Variants in NFX1 observed in about 807,000 individuals in gnomAD.
NFX1 encodes the protein transcriptional repressor NF-X1.
In NFX1, 69 loss-of-function variants were observed where a neutral mutation model predicts 137.2. The ratio of observed to expected loss-of-function variants is 0.50; its 90% CI spans 0.41 to 0.61. NFX1 has a LOEUF of 0.61. NFX1 is among the 20% of genes least tolerant of loss of function. The pLI is 0.00. For synonymous variants in NFX1, 495 were observed against 474.1 expected, an observed-to-expected ratio of 1.04 and a Z score of -0.57; for missense variants, 1,167 against 1,391.0, an observed-to-expected ratio of 0.84 and a Z score of 2.56.
chr9:33,363,263 GTATTATTATTATTATTAT>G (rs60988084), intron 19 of NFX1, among the ~76,000 whole-genome samples: 1 of 144,826 alleles, frequency 6.9e-6, no homozygotes, highest in African/African-American at 2.5e-5. Context: ...ATAAAGAAAT[GTATTATTATTATTATTAT>G]TATTATTATT....
rs145299899 is a variant in NFX1 at position 33,306,691 on chromosome 9, T to A, written c.1271-503T>A. On this transcript the variant is annotated intron_variant, in intron 4 of 23. Coordinates refer to ENST00000379540, the MANE Select transcript of NFX1 (RefSeq NM_002504.6). ...GTGCCATGAAGATTTGCAGTGACAT[T>A]GATTATAAAAGTATAAGGTCTTTTA... Among the ~76,000 whole-genome samples the A allele has an allele frequency of 1.6e-3, 248 of 152,282 alleles. 1 individual carries two copies. The highest frequency in any genetic ancestry group is 3.0e-3 in the Non-Finnish European group (205 of 68,016).
intron 23 of NFX1, 50 bp downstream of exon 23, chr9:33,367,669 T>A (rs1824210230): frequency 1.9e-6 from 3 of 1,572,188 alleles, no homozygotes; most frequent in Non-Finnish European, 2.6e-6. Flanking sequence ...CCAGAAAAGC[T>A]AGCAGGGGCT....
intron 7 of NFX1, among the ~76,000 whole-genome samples, chr9:33,316,333 G>A (rs1439563812): frequency 2.7e-5 from 4 of 146,204 alleles, no homozygotes; most frequent in East Asian, 4.0e-4. Flanking sequence ...TTTGGATCTC[G>A]TTCTGTCATC....
Position 33,344,106 on chromosome 9 carries a change from G to A in NFX1, c.2262G>A (p.Val754=). ...TAACCTGCCATTGTGGTGCATCAGT[G>A]ATTTACCCTCCAGTTCCCTGTGGTA... The part of the protein sequence containing the change: ...DELTCHCGAS[V]IYPPVPCGTR... Residue 754 remains valine (V), a synonymous_variant, in exon 14 of 24, where the codon GTG becomes GTA. Coordinates refer to ENST00000379540, the MANE Select transcript of NFX1 (RefSeq NM_002504.6). 6.2e-7 allele frequency: 1 copy of A among 1,614,082 alleles called. No individual in the cohort carries two copies. Among genetic ancestry groups the A allele is most frequent in the Non-Finnish European group, 8.5e-7 (1 of 1,179,974 alleles).
intron 4 of NFX1, among the ~76,000 whole-genome samples, chr9:33,304,839 T>G (rs1015181910): frequency 1.3e-5 from 2 of 152,172 alleles, no homozygotes; most frequent in African/African-American, 4.8e-5. Context: ...TTTGGGCAAA[T>G]AGGACAATAC....
intron 10 of NFX1, among the ~76,000 whole-genome samples, chr9:33,329,842 A>G (rs992819632): frequency 5.3e-5 from 8 of 152,076 alleles, no homozygotes; most frequent in African/African-American, 1.7e-4. Flanking sequence ...TATTTTTAGT[A>G]GAGACGGGAT....
chr9:33,317,968 T>C (rs1295163460), intron 7 of NFX1, among the ~76,000 whole-genome samples: 1 of 88,272 alleles, frequency 1.1e-5, no homozygotes, highest in African/African-American at 5.1e-5. Flanking sequence ...AGTGAGACTC[T>C]GTCTCAAAAA....
rs981742038 is a variant in NFX1, at chr9:33,294,635, A to G, written c.241A>G (p.Lys81Glu). Residue 81 changes from lysine (K) to glutamate (E), a missense_variant, in exon 2 of 24, where the codon AAG becomes GAG. Coordinates refer to ENST00000379540, the MANE Select transcript of NFX1 (RefSeq NM_002504.6). Reference protein sequence around the residue: ...HSYHPSGSKPKSQQTSFQSSP... With the variant: ...HSYHPSGSKPESQQTSFQSSP... ...TTATCATCCGTCAGGAAGCAAACCT[A>G]AGAGTCAGCAGACGTCTTTCCAGTC... The G allele has an allele frequency of 2.5e-6, 4 of 1,614,090 alleles. No individual in the cohort carries two copies. Among genetic ancestry groups the G allele is most frequent in the African/African-American group, 1.3e-5 (1 of 74,932 alleles).
intron 19 of NFX1, among the ~76,000 whole-genome samples, chr9:33,356,183 A>G (rs1160271678): frequency 6.6e-6 from 1 of 152,238 alleles, no homozygotes; most frequent in Non-Finnish European, 1.5e-5. Context: ...GTAGATGTGT[A>G]TAACAAGATG....
intron 2 of NFX1, among the ~76,000 whole-genome samples, chr9:33,295,911 G>C (rs1821338912): frequency 6.6e-6 from 1 of 152,140 alleles, no homozygotes; most frequent in South Asian, 2.1e-4. Flanking sequence ...GCATCAGAGA[G>C]CAATCTTTAT....
rs1824199427 is a variant in NFX1 at position 33,367,400 on chromosome 9, CAG to C, written c.3186-110_3186-109del. 3 of 964,764 alleles carry C rather than the reference CAG, an allele frequency of 3.1e-6. No individual in the cohort carries two copies. The Admixed American group carries it at 5.7e-5, about 18-fold the overall frequency. 59.8% of individuals were successfully genotyped at this position (964,764 alleles called of 1,614,324 possible). A position where few individuals can be genotyped will look rare whatever the true frequency, so the allele number is the denominator to read the frequency against. On this transcript the variant is annotated intron_variant, in intron 22 of 23. Transcript: ENST00000379540. ...ATGTCTGAGAGCAGACAGTTCATAC[CAG>C]AGAGTGCTCAGTAGTGTCATAGTGC... is the stretch of plus-strand genomic sequence containing the variant.
At chr9:33,325,957 T>C (rs1822570036) in intron 9 of NFX1, among the ~76,000 whole-genome samples, 1 of 152,220 alleles carries the variant, frequency 6.6e-6, no homozygotes, top group African/African-American at 2.4e-5. Context: ...AAATAATATG[T>C]ATAAAATTAT....
intron 18 of NFX1, 87 bp from the exon 19 acceptor site, chr9:33,354,764 C>T: frequency 7.8e-7 from 1 of 1,281,860 alleles, no homozygotes; most frequent in Non-Finnish European, 1.1e-6. Context: ...GCTGTGCTTC[C>T]AGGTTGACTG....
At chr9:33,363,317 C>T (rs188623131) in intron 19 of NFX1, among the ~76,000 whole-genome samples, 70 of 149,852 alleles carry the variant, frequency 4.7e-4, no homozygotes, top group African/African-American at 1.5e-3. Context: ...CAGAGTCTCA[C>T]TGTGTTGCCC....
chr9:33,317,805 ATC>A (rs1463675477), intron 7 of NFX1, among the ~76,000 whole-genome samples: 1 of 151,768 alleles, frequency 6.6e-6, no homozygotes, highest in Non-Finnish European at 1.5e-5. Flanking sequence ...GTGAAACTCC[ATC>A]TCTCCTAAAA....
intron 7 of NFX1, among the ~76,000 whole-genome samples, chr9:33,314,764 G>C (rs1822094000): frequency 2.6e-5 from 4 of 152,162 alleles, no homozygotes; most frequent in Admixed American, 2.6e-4. Flanking sequence ...TGGTTGCCTA[G>C]TGGTGGAAAT....
intron 11 of NFX1, among the ~76,000 whole-genome samples, chr9:33,337,046 G>A (rs533097210): frequency 1.2e-4 from 19 of 152,188 alleles, no homozygotes; most frequent in African/African-American, 4.6e-4. Context: ...AGGTTGCAGT[G>A]AGCAAATTTT....
At chr9:33,348,930 A>T (rs1388918374) in intron 15 of NFX1, among the ~76,000 whole-genome samples, 4 of 152,000 alleles carry the variant, frequency 2.6e-5, no homozygotes, top group Non-Finnish European at 5.9e-5. Context: ...ATCATGACGT[A>T]TTGGCCAACA....
rs1473939306 is a variant in NFX1 at position 33,332,492 on chromosome 9, C to T, written c.2025C>T (p.Leu675=). The T allele has an allele frequency of 6.3e-7, 1 of 1,584,814 alleles. No individual in the cohort carries two copies. The highest frequency in any genetic ancestry group is 1.3e-5 in the African/African-American group (1 of 74,360). Residue 675 remains leucine, a synonymous_variant, in exon 11 of 24, where the codon CTC becomes CTT. Transcript: ENST00000379540. ...CATAGGAGCTTCCATGTACCAGTCTCAAAAGTGAAGGTATGACTGGGGTGG... is the reference window on the plus strand; with the variant it reads ...CATAGGAGCTTCCATGTACCAGTCTTAAAAGTGAAGGTATGACTGGGGTGG... ...FRTKELPCTS[L]KSEDATFMCD...
Sources: allele counts gnomAD v4.1 joint callset (sites outside exome capture counted in the v4.1 genomes callset), GRCh38; gene constraint gnomAD v4.1.1; transcripts MANE v1.5; gene names NCBI Gene and HGNC (gene_info 2026-07-23, HGNC 2026-07-21).